Variants in DAB1 observed in about 807,000 individuals in gnomAD.
DAB1 encodes DAB adaptor protein 1.
DAB1 carries 15 observed loss-of-function variants against 64.6 expected under a neutral mutation model. The observed-to-expected ratio is 0.23, with a 90% CI of 0.16 to 0.36. The LOEUF is 0.36. DAB1 is among the 10% of genes least tolerant of loss of function. The probability of loss-of-function intolerance (pLI) is 1.00; values close to 1 mark genes in which losing one functional copy is unlikely to be tolerated. For missense variants in DAB1, 596 were observed against 706.7 expected, an observed-to-expected ratio of 0.84 and a Z score of 1.78; for synonymous variants, 235 against 251.9, an observed-to-expected ratio of 0.93 and a Z score of 0.64.
At chr1:57,287,743 T>C (rs1672429699) in intron 2 of DAB1, among the ~76,000 whole-genome samples, 1 of 151,918 alleles carries the variant, frequency 6.6e-6, no homozygotes, top group African/African-American at 2.4e-5. Flanking sequence ...GAACAAGAAA[T>C]GAATTAATGC....
intron 6 of DAB1, among the ~76,000 whole-genome samples, chr1:57,698,528 A>G (rs1646872643): frequency 6.6e-6 from 1 of 152,138 alleles, no homozygotes; most frequent in African/African-American, 2.4e-5. Context: ...TTATTTACCT[A>G]TGTTTCCAAC....
chr1:57,704,906 C>CTTCCTTCCTTCCTTCCTTCA (rs1211746533), intron 6 of DAB1, among the ~76,000 whole-genome samples: 1 of 151,492 alleles, frequency 6.6e-6, no homozygotes, highest in Non-Finnish European at 1.5e-5. Context: ...TCCTTCCTTC[C>CTTCCTTCCTTCCTTCCTTCA]TTCCTTTTCA....
intron 2 of DAB1, among the ~76,000 whole-genome samples, chr1:57,179,860 C>T (rs1662727728): frequency 6.6e-6 from 1 of 152,122 alleles, no homozygotes; most frequent in Non-Finnish European, 1.5e-5. Flanking sequence ...GGACATCAAT[C>T]CTTAGGATAT....
At chr1:57,760,478 T>G (rs1295490440) in intron 6 of DAB1, among the ~76,000 whole-genome samples, 1 of 152,056 alleles carries the variant, frequency 6.6e-6, no homozygotes, top group Non-Finnish European at 1.5e-5. Flanking sequence ...TCTAAGAACA[T>G]GGATCTTTTC....
intron 2 of DAB1, among the ~76,000 whole-genome samples, chr1:57,221,268 GGATAGCATTAGGA>G (rs1666846864): frequency 6.6e-6 from 1 of 151,842 alleles, no homozygotes; most frequent in African/African-American, 2.4e-5. Context: ...GATGGGGGAG[GGATAGCATTAGGA>G]GATATACCTA....
intron 3 of DAB1, among the ~76,000 whole-genome samples, chr1:58,382,229 G>C (rs1049685893): frequency 2.6e-5 from 4 of 152,126 alleles, no homozygotes; most frequent in Non-Finnish European, 4.4e-5. Context: ...AGAAGTTCCA[G>C]GAGCTTCTGC....
intron 4 of DAB1, among the ~76,000 whole-genome samples, chr1:57,115,062 G>T (rs1438842178): frequency 6.6e-6 from 1 of 152,162 alleles, no homozygotes; most frequent in Admixed American, 6.5e-5. Context: ...GCCAGCACCT[G>T]CCCAGTCCCA....
At chr1:57,176,369 T>C (rs1662314245) in intron 2 of DAB1, among the ~76,000 whole-genome samples, 1 of 152,062 alleles carries the variant, frequency 6.6e-6, no homozygotes, top group Non-Finnish European at 1.5e-5. Context: ...AGATGGCTTG[T>C]GCAGGGAAAC....
intron 3 of DAB1, among the ~76,000 whole-genome samples, chr1:58,471,578 A>C (rs1645358941): frequency 6.6e-6 from 1 of 152,208 alleles, no homozygotes; most frequent in East Asian, 1.9e-4. Context: ...TCCAAATCTC[A>C]TGTCGAATTG....
chr1:57,809,430 A>G (rs1395916809), intron 6 of DAB1, among the ~76,000 whole-genome samples: 2 of 152,248 alleles, frequency 1.3e-5, no homozygotes, highest in East Asian at 3.8e-4. Context: ...GAAAACTGAA[A>G]GAAGTAAAAT....
chr1:57,127,313 A>G (rs1458825221), intron 4 of DAB1, among the ~76,000 whole-genome samples: 1 of 152,180 alleles, frequency 6.6e-6, no homozygotes, highest in African/African-American at 2.4e-5. Context: ...GAGAATTTTC[A>G]GAAGCGTCTT....
At chr1:58,228,341 C>A (rs1405975409) in intron 4 of DAB1, among the ~76,000 whole-genome samples, 3 of 152,122 alleles carry the variant, frequency 2.0e-5, no homozygotes, top group African/African-American at 7.2e-5. Context: ...TTTCTATATT[C>A]ACATAAAGAA....
chr1:57,709,975 T>C (rs1163873432), intron 6 of DAB1, among the ~76,000 whole-genome samples: 1 of 152,160 alleles, frequency 6.6e-6, no homozygotes, highest in East Asian at 1.9e-4. Context: ...ACTTGATTTT[T>C]CAGGCTGCTC....
chr1:58,538,777 T>G (rs1404857980), intron 1 of DAB1: 4 of 736,070 alleles, frequency 5.4e-6, no homozygotes, highest in Non-Finnish European at 6.9e-6. Context: ...AAGTTTTTAT[T>G]CTAAAAAAGC....
chr1:58,101,936 C>T (rs978847968), intron 5 of DAB1, among the ~76,000 whole-genome samples: 1 of 151,666 alleles, frequency 6.6e-6, no homozygotes, highest in African/African-American at 2.4e-5. Context: ...CATCAGATTC[C>T]TGAGGTTCAT....
intron 2 of DAB1, among the ~76,000 whole-genome samples, chr1:57,146,260 C>T (rs1305371387): frequency 6.6e-6 from 1 of 152,208 alleles, no homozygotes; most frequent in Non-Finnish European, 1.5e-5. Context: ...GTTTAGGTAG[C>T]TTGCCCAAGT....
At chr1:58,367,817 C>T (rs1177077448) in intron 3 of DAB1, among the ~76,000 whole-genome samples, 2 of 152,138 alleles carry the variant, frequency 1.3e-5, no homozygotes, top group Non-Finnish European at 2.9e-5. Context: ...CTCATTAATG[C>T]TACTATATAC....
At chr1:57,693,120 G>C (rs1251375431) in intron 6 of DAB1, among the ~76,000 whole-genome samples, 2 of 150,934 alleles carry the variant, frequency 1.3e-5, no homozygotes, top group South Asian at 4.2e-4. Flanking sequence ...TCTACCGAGG[G>C]CCCCTGGACT....
chr1:57,388,544 G>A (rs1337831102), intron 1 of DAB1, among the ~76,000 whole-genome samples: 2 of 152,028 alleles, frequency 1.3e-5, no homozygotes, highest in Non-Finnish European at 2.9e-5. Flanking sequence ...ATCACAAACT[G>A]AGCCCCATCC....
Sources: allele counts gnomAD v4.1 joint callset (sites outside exome capture counted in the v4.1 genomes callset), GRCh38; gene constraint gnomAD v4.1.1; transcripts MANE v1.5; gene names NCBI Gene and HGNC (gene_info 2026-07-23, HGNC 2026-07-21).